Variants in CC2D1A observed in about 807,000 individuals in gnomAD.
The protein encoded by CC2D1A is coiled-coil and C2 domain-containing protein 1A.
A neutral mutation model predicts 123.8 loss-of-function variants in CC2D1A; 68 were observed. That is an observed-to-expected ratio of 0.55 (90% CI 0.45 to 0.67). The LOEUF is 0.67. CC2D1A is among the 30% of genes least tolerant of loss of function. The pLI, the probability that CC2D1A is intolerant of heterozygous loss-of-function variation, is 0.00. For synonymous variants in CC2D1A, 477 were observed against 528.0 expected (o/e 0.90, Z 1.32); for missense variants, 1,185 against 1,290.3 (o/e 0.92, Z 1.25).
At position 13,923,862 on chromosome 19, in the gene CC2D1A, G is replaced by A; in HGVS notation, c.1940+51G>A. 1.5e-6 allele frequency: 2 copies of A among 1,372,332 alleles called. No individual in the cohort carries two copies. Among genetic ancestry groups the A allele is most frequent in the Admixed American group, 1.7e-5 (1 of 58,826 alleles). The allele number at this position is 1,372,332 out of a possible 1,614,324, so 85.0% of individuals were successfully genotyped here. A position where few individuals can be genotyped will look rare whatever the true frequency, so the allele number is the denominator to read the frequency against. On this transcript the variant is annotated intron_variant, in intron 17 of 28. Transcript: ENST00000318003. The surrounding 1 kb of genome is among the most constrained non-coding windows in gnomAD (Gnocchi z 5.3). ...CACGTGGCCCCAGTGGCCCTTTGGT[G>A]GCGGTGGGGCGGGTTGTGCTCCCCA... is the stretch of plus-strand genomic sequence containing the variant.
At chr19:13,922,457 C>T (rs1355363261) in intron 14 of CC2D1A, among the ~76,000 whole-genome samples, 1 of 152,208 alleles carries the variant, frequency 6.6e-6, no homozygotes, top group Non-Finnish European at 1.5e-5. Context: ...CACTTTCTCC[C>T]ATCATTAGGT....
chr19:13,927,411 G>A, intron 22 of CC2D1A, 146 bp downstream of exon 22: 1 of 652,966 alleles, frequency 1.5e-6, no homozygotes, highest in African/African-American at 1.8e-5. Flanking sequence ...CTACTGCCCA[G>A]CCCTAAATAC....
At position 13,926,888 on chromosome 19, in the gene CC2D1A, A is replaced by C. The variant is rs1244670262; in HGVS notation, c.2125+16A>C. ...GACTCCCCTGGTGAGCCTCGGCTGGAAGCACCCTACCCCTACTCCCTTGCA... is the reference window on the plus strand; with the variant it reads ...GACTCCCCTGGTGAGCCTCGGCTGGCAGCACCCTACCCCTACTCCCTTGCA... On this transcript the variant is annotated intron_variant, in intron 20 of 28. Transcript: ENST00000318003. 2 of 1,613,796 alleles carry C rather than the reference A, an allele frequency of 1.2e-6. No individual in the cohort carries two copies. The highest frequency in any genetic ancestry group is 1.3e-5 in the African/African-American group (1 of 74,890).
chr19:13,928,087 G>A (rs1172136188), intron 23 of CC2D1A, 37 bp from the exon 24 acceptor site: 3 of 1,612,852 alleles, frequency 1.9e-6, no homozygotes, highest in African/African-American at 2.7e-5. Context: ...TTGGTTCAGG[G>A]GCCCAGGACT....
chr19:13,910,072 T>A, intron 2 of CC2D1A, 114 bp downstream of exon 2: 2 of 1,020,754 alleles, frequency 2.0e-6, no homozygotes, highest in Non-Finnish European at 2.7e-6. Context: ...ACCCCTGTTC[T>A]CCTGGAGCCA....
intron 17 of CC2D1A, among the ~76,000 whole-genome samples, chr19:13,925,316 C>A (rs1293029714): frequency 6.6e-6 from 1 of 151,976 alleles, no homozygotes. Flanking sequence ...CGTGCTGGCT[C>A]ACGCCTGTAA....
chr19:13,919,852 G>A lies in CC2D1A; in HGVS notation c.1257G>A (p.Lys419=). Reference sequence around the variant, plus strand: ...CAATCCAGGGCCTGGAGGCCACCAAGCCCACCCAGCAGAGTCTGGTGGGTG... The same window carrying A: ...CAATCCAGGGCCTGGAGGCCACCAAACCCACCCAGCAGAGTCTGGTGGGTG... ...FPPIQGLEAT[K]PTQQSLVGVL... is the part of the protein sequence containing the mutation. The change falls in exon 12 of 29, where the codon AAG becomes AAA. Residue 419 remains lysine, a synonymous_variant. Transcript: ENST00000318003. The A allele has an allele frequency of 6.2e-7, 1 of 1,610,990 alleles. No individual in the cohort carries two copies. Among genetic ancestry groups the A allele is most frequent in the Non-Finnish European group, 8.5e-7 (1 of 1,178,462 alleles).
chr19:13,926,411 G>T, intron 17 of CC2D1A, 106 bp from the exon 18 acceptor site: 1 of 955,890 alleles, frequency 1.0e-6, no homozygotes, highest in Non-Finnish European at 1.6e-6. Flanking sequence ...GGCCAGGGTG[G>T]GGTTTGTTCC....
intron 5 of CC2D1A, 23 bp from the exon 6 acceptor site, chr19:13,913,381 C>A (rs776404682): frequency 1.9e-5 from 30 of 1,611,480 alleles, no homozygotes; most frequent in South Asian, 7.7e-5. Context: ...TTCTCCCAAA[C>A]CAATACTCAC....
At chr19:13,914,839 T>C (rs1323009310) in intron 6 of CC2D1A, among the ~76,000 whole-genome samples, 1 of 152,196 alleles carries the variant, frequency 6.6e-6, no homozygotes, top group Non-Finnish European at 1.5e-5. Flanking sequence ...GGTGCCATGT[T>C]GCCCAAGCTA....
At chr19:13,927,376 C>A in intron 22 of CC2D1A, 111 bp downstream of exon 22, 1 of 882,458 alleles carries the variant, frequency 1.1e-6, no homozygotes, top group Non-Finnish European at 1.8e-6. Flanking sequence ...TGACCCAGCC[C>A]CTCCCCTCAG....
rs751094106 is a variant in CC2D1A at position 13,926,898 on chromosome 19, C to T, written c.2125+26C>T. On this transcript the variant is annotated intron_variant, in intron 20 of 28. Transcript: ENST00000318003. ...GTGAGCCTCGGCTGGAAGCACCCTA[C>T]CCCTACTCCCTTGCAGCAGAAGGGA... 3.1e-6 allele frequency: 5 copies of T among 1,613,510 alleles called. No individual in the cohort carries two copies. In the South Asian group the frequency reaches 3.3e-5, roughly 11 times the overall value.
Position 13,912,403 on chromosome 19 carries a change from G to T in CC2D1A, c.277G>T (p.Asp93Tyr), listed in dbSNP as rs1379047700. Reference sequence around the variant, plus strand: ...GGATGAGGATGAGGAGGAGGGGACGGATGAGGACGACTTGGAGGCTGATGA... The same window carrying T: ...GGATGAGGATGAGGAGGAGGGGACGTATGAGGACGACTTGGAGGCTGATGA... ...DPDEDEEEGT[D>Y]EDDLEADDDL... The change falls in exon 3 of 29, where the codon GAT (aspartate) becomes TAT (tyrosine). Residue 93 changes from aspartate to tyrosine, a missense_variant. Physicochemically the swap from Asp to Tyr is radical, Grantham distance 160. Transcript: ENST00000318003. 2.5e-6 allele frequency: 4 copies of T among 1,613,816 alleles called. No homozygotes were observed. The highest frequency in any genetic ancestry group is 2.5e-6 in the Non-Finnish European group (3 of 1,179,898).
intron 6 of CC2D1A, among the ~76,000 whole-genome samples, chr19:13,917,770 G>C (rs1039807603): frequency 2.0e-5 from 3 of 152,154 alleles, no homozygotes; most frequent in African/African-American, 7.2e-5. Flanking sequence ...CCTGAGGTCA[G>C]GACTTTGAGA....
chr19:13,918,123 A>G lies in CC2D1A; in HGVS notation c.802A>G (p.Lys268Glu). The change falls in exon 7 of 29, where the codon AAG becomes GAG. Residue 268 changes from lysine (K) to glutamate (E), a missense_variant. Transcript: ENST00000318003. ...GTTGCAGAGCCGCCAGCGCGACTAC[A>G]AGCTGGCTGCCCTCCACGCCAAGCA... is the stretch of plus-strand genomic sequence containing the variant. ...AQLQSRQRDYKLAALHAKQQG... is the reference protein window; with the variant it reads ...AQLQSRQRDYELAALHAKQQG... The G allele has an allele frequency of 6.2e-7, 1 of 1,612,096 alleles. No homozygotes were observed. Among genetic ancestry groups the G allele is most frequent in the Non-Finnish European group, 8.5e-7 (1 of 1,179,694 alleles).
chr19:13,918,771 ACCACCGTCG>A lies in CC2D1A; in HGVS notation c.974_982del (p.Pro325_Ser327del), dbSNP rs989389467. The A allele has an allele frequency of 1.2e-6, 2 of 1,612,938 alleles. No homozygotes were observed. Among genetic ancestry groups the A allele is most frequent in the African/African-American group, 2.7e-5 (2 of 74,854 alleles). ...ACCAGCTGCCCCCAGACCCACCGTCACCACCGTCGCAGCCTCCGACCCCCGCTACGGCGC... is the reference window on the plus strand; with the variant it reads ...ACCAGCTGCCCCCAGACCCACCGTCACAGCCTCCGACCCCCGCTACGGCGC... On this transcript the variant is annotated inframe_deletion, in exon 9 of 29. Transcript: ENST00000318003.
Position 13,920,592 on chromosome 19 carries a change from A to G in CC2D1A, c.1392A>G (p.Lys464=). ...CTGTGGCCCCCACAGCCCAGCCCAA[A>G]GCCCCACCCTCAAGAACTCCCCAGT... ...NSPVAPTAQP[K]APPSRTPQSG... is the part of the protein sequence containing the mutation. The change falls in exon 13 of 29, where the codon AAA becomes AAG. Residue 464 remains lysine, a synonymous_variant. Coordinates refer to ENST00000318003, the MANE Select transcript of CC2D1A (RefSeq NM_017721.5). 6.2e-7 allele frequency: 1 copy of G among 1,609,364 alleles called. No individual in the cohort carries two copies. Among genetic ancestry groups the G allele is most frequent in the Non-Finnish European group, 8.5e-7 (1 of 1,177,528 alleles).
chr19:13,923,912 G>A lies in CC2D1A; in HGVS notation c.1940+101G>A. On this transcript the variant is annotated intron_variant, in intron 17 of 28. Transcript: ENST00000318003. This position sits in a 1 kb window ranked among gnomAD's most constrained non-coding sequence, Gnocchi z 5.3. Reference sequence around the variant, plus strand: ...AGAAGCTGGCACAAGATTTACATCTGGAAGAAATTTTGGATAGGTGGAAGA... The same window carrying A: ...AGAAGCTGGCACAAGATTTACATCTAGAAGAAATTTTGGATAGGTGGAAGA... The A allele has an allele frequency of 1.1e-6, 1 of 872,892 alleles. No individual in the cohort carries two copies. The highest frequency in any genetic ancestry group is 1.9e-6 in the Non-Finnish European group (1 of 539,942). The allele number at this position is 872,892 out of a possible 1,614,324, so 54.1% of individuals were successfully genotyped here.
At position 13,912,377 on chromosome 19, in the gene CC2D1A, C is replaced by CGGATGA. The variant is rs1971029377; in HGVS notation, c.261_266dup (p.Asp87_Glu88dup). ...ATGGCCAGCCTGTGCATGAGAGACC[C>CGGATGA]GGATGAGGATGAGGAGGAGGGGACG... On this transcript the variant is annotated inframe_insertion, in exon 3 of 29. Transcript: ENST00000318003. The CGGATGA allele has an allele frequency of 9.9e-6, 16 of 1,613,254 alleles. No homozygotes were observed. The highest frequency in any genetic ancestry group is 1.3e-5 in the Non-Finnish European group (15 of 1,179,704).
Sources: allele counts gnomAD v4.1 joint callset (sites outside exome capture counted in the v4.1 genomes callset), GRCh38; gene constraint gnomAD v4.1.1; non-coding constraint Gnocchi (gnomAD v3.1); transcripts MANE v1.5; gene names NCBI Gene and HGNC (gene_info 2026-07-23, HGNC 2026-07-21).